Variants in ALG8 observed in about 807,000 individuals in gnomAD.
ALG8 encodes dolichyl pyrophosphate Glc1Man9GlcNAc2 alpha-1,3-glucosyltransferase.
A neutral mutation model predicts 70.2 loss-of-function variants in ALG8; 48 were observed. The observed-to-expected ratio is 0.68, with a 90% CI of 0.54 to 0.87. ALG8 has a LOEUF of 0.87. Ranked by LOEUF, ALG8 falls within the 40% of genes least tolerant of loss-of-function variation. The probability of loss-of-function intolerance (pLI) is 0.00; values close to 1 mark genes in which losing one functional copy is unlikely to be tolerated. For synonymous variants in ALG8, 234 were observed against 229.0 expected (o/e 1.02, Z -0.20); for missense variants, 572 against 608.7 (o/e 0.94, Z 0.64).
intron 9 of ALG8, among the ~76,000 whole-genome samples, chr11:78,108,046 G>A (rs546283984): frequency 2.6e-5 from 4 of 151,902 alleles, no homozygotes; most frequent in South Asian, 4.2e-4. Context: ...TTGGGAGGCC[G>A]AGGTGGGCGG....
In ALG8 at chr11:78,113,937, TC is replaced by T. The variant is rs750895613; in HGVS notation, c.725del (p.Gly242AspfsTer6). 1 of 1,597,548 alleles carries T rather than the reference TC, an allele frequency of 6.3e-7. No homozygotes were observed. The highest frequency in any genetic ancestry group is 1.1e-5 in the South Asian group (1 of 89,326). ...SFSFVRVISL[G>X]LVVFLVSALS... is the part of the protein sequence containing the mutation. Reference sequence around the variant, plus strand: ...GAGCAGAAACTAAGAAAACAACCAGTCCCAGGGAAATAACACGAACAAAGCT... The same window carrying T: ...GAGCAGAAACTAAGAAAACAACCAGTCCAGGGAAATAACACGAACAAAGCT... On this transcript the variant is annotated frameshift_variant, in exon 7 of 13. Coordinates refer to ENST00000299626, the MANE Select transcript of ALG8 (RefSeq NM_024079.5). LOFTEE classifies it high-confidence loss of function.
intron 5 of ALG8, 87 bp downstream of exon 5, chr11:78,119,095 A>G: frequency 9.7e-7 from 1 of 1,028,456 alleles, no homozygotes. Context: ...AGTCAAATAA[A>G]TTTACCTATC....
At chr11:78,127,712 CTTTT>C (rs1192507872) in intron 1 of ALG8, among the ~76,000 whole-genome samples, 1 of 132,904 alleles carries the variant, frequency 7.5e-6, no homozygotes, top group Non-Finnish European at 1.6e-5. Context: ...TTTTTCTTTT[CTTTT>C]TTTTTTTTTT....
chr11:78,107,929 G>A (rs1287627443), intron 9 of ALG8, among the ~76,000 whole-genome samples: 2 of 151,242 alleles, frequency 1.3e-5, no homozygotes, highest in African/African-American at 4.9e-5. Flanking sequence ...AGTCGATTAC[G>A]AGGTCAGGAG....
intron 9 of ALG8, among the ~76,000 whole-genome samples, chr11:78,109,009 A>C (rs1030667186): frequency 2.0e-4 from 30 of 152,122 alleles, no homozygotes; most frequent in Middle Eastern, 3.4e-3. Context: ...GCCTTTGTCG[A>C]CTCTCTCAAC....
chr11:78,106,296 C>T (rs1159334210), intron 10 of ALG8, among the ~76,000 whole-genome samples: 2 of 152,092 alleles, frequency 1.3e-5, no homozygotes, highest in South Asian at 2.1e-4. Context: ...CTCCCGGGTT[C>T]AAGCAATTCT....
intron 12 of ALG8, 23 bp from the exon 13 acceptor site, chr11:78,101,218 G>A (rs777249514): frequency 4.4e-6 from 7 of 1,599,546 alleles, no homozygotes; most frequent in Admixed American, 3.4e-5. Context: ...AGAGAGAAAA[G>A]TCTGATTTTA....
At chr11:78,118,602 C>T (rs1312560449) in intron 5 of ALG8, among the ~76,000 whole-genome samples, 13 of 114,196 alleles carry the variant, frequency 1.1e-4, no homozygotes, top group African/African-American at 2.5e-4. Context: ...GGCGATAGAG[C>T]GAGACTCATT....
intron 5 of ALG8, among the ~76,000 whole-genome samples, chr11:78,117,352 C>T (rs1423264612): frequency 6.6e-6 from 1 of 152,120 alleles, no homozygotes; most frequent in Non-Finnish European, 1.5e-5. Flanking sequence ...CTGATTTCCT[C>T]CTCTATAGGA....
At chr11:78,128,037 C>A (rs1331234723) in intron 1 of ALG8, among the ~76,000 whole-genome samples, 1 of 152,198 alleles carries the variant, frequency 6.6e-6, no homozygotes, top group Non-Finnish European at 1.5e-5. Flanking sequence ...GCCCTCAGGC[C>A]TTTGCTCAGA....
In ALG8 at chr11:78,114,306, T is replaced by G. The variant is rs748406490; in HGVS notation, c.633A>C (p.Val211=). Residue 211 remains valine (V), a synonymous_variant, in exon 6 of 13, where the codon GTA becomes GTC. Coordinates refer to ENST00000299626, the MANE Select transcript of ALG8 (RefSeq NM_024079.5). ...TGAAACAGTAGGATCGCAGCAGATATACACCATAAGCTGGTGCTACATAGA... is the reference window on the plus strand; with the variant it reads ...TGAAACAGTAGGATCGCAGCAGATAGACACCATAAGCTGGTGCTACATAGA... ...IYLYVAPAYG[V]YLLRSYCFTA... is the part of the protein sequence containing the mutation. The G allele has an allele frequency of 8.1e-6, 13 of 1,614,010 alleles. No individual in the cohort carries two copies. Among genetic ancestry groups the G allele is most frequent in the Non-Finnish European group, 1.1e-5 (13 of 1,180,030 alleles).
At chr11:78,115,413 T>C (rs1860513495) in intron 5 of ALG8, among the ~76,000 whole-genome samples, 1 of 151,866 alleles carries the variant, frequency 6.6e-6, no homozygotes, top group Non-Finnish European at 1.5e-5. Flanking sequence ...GACGGAGTTT[T>C]GTTCTTGTTG....
At chr11:78,113,203 A>G (rs554445598) in intron 7 of ALG8, among the ~76,000 whole-genome samples, 65 of 152,346 alleles carry the variant, frequency 4.3e-4, no homozygotes, top group Admixed American at 1.2e-3. Context: ...AACATCTGTT[A>G]AATTCTATGC....
intron 2 of ALG8, among the ~76,000 whole-genome samples, chr11:78,125,242 C>G (rs950916698): frequency 6.6e-6 from 1 of 151,626 alleles, no homozygotes. Context: ...CCATGTTAGC[C>G]AGGACGGTCT....
At chr11:78,123,809 G>A (rs928099136) in intron 3 of ALG8, among the ~76,000 whole-genome samples, 1 of 152,118 alleles carries the variant, frequency 6.6e-6, no homozygotes, top group African/African-American at 2.4e-5. Context: ...TTCTACCTCT[G>A]CCTTGTAACT....
intron 1 of ALG8, 127 bp from the exon 2 acceptor site, chr11:78,127,563 A>T (rs1861133350): frequency 1.3e-6 from 1 of 793,018 alleles, no homozygotes; most frequent in African/African-American, 1.7e-5. Context: ...CTATAGAGAC[A>T]CAAATAGACA....
intron 9 of ALG8, among the ~76,000 whole-genome samples, chr11:78,108,659 C>A (rs903690127): frequency 6.6e-6 from 1 of 152,110 alleles, no homozygotes; most frequent in Non-Finnish European, 1.5e-5. Flanking sequence ...ACTATATGTA[C>A]CTCATAAGGC....
chr11:78,117,442 C>G (rs574265106), intron 5 of ALG8, among the ~76,000 whole-genome samples: 2 of 152,022 alleles, frequency 1.3e-5, no homozygotes, highest in Admixed American at 1.3e-4. Flanking sequence ...TGTGGTGGCA[C>G]ACATCTGTAA....
chr11:78,116,682 C>T (rs1199437121), intron 5 of ALG8, among the ~76,000 whole-genome samples: 2 of 150,914 alleles, frequency 1.3e-5, no homozygotes, highest in Non-Finnish European at 3.0e-5. Context: ...TCCACCACTG[C>T]ATTCTCCAGC....
Sources: gnomAD v4.1 joint callset for allele counts (sites outside exome capture counted in the v4.1 genomes callset) on GRCh38, gnomAD v4.1.1 for gene constraint, MANE v1.5 for transcripts, NCBI Gene and HGNC (gene_info 2026-07-23, HGNC 2026-07-21) for gene names.